Variants in DENND4C observed in about 807,000 individuals in gnomAD.
DENND4C encodes DENN domain containing 4C.
In DENND4C, 108 loss-of-function variants were observed where a neutral mutation model predicts 203.0. The ratio of observed to expected loss-of-function variants is 0.53; its 90% CI spans 0.46 to 0.62. The LOEUF is 0.62. Ranked by LOEUF, DENND4C falls within the 20% of genes least tolerant of loss-of-function variation. The pLI is 0.00. For synonymous variants in DENND4C, 871 were observed against 792.4 expected (o/e 1.10, Z -1.67); for missense variants, 2,481 against 2,301.2 (o/e 1.08, Z -1.60).
chr9:19,346,869 C>G lies in DENND4C; in HGVS notation c.4100C>G (p.Thr1367Ser). The G allele has an allele frequency of 6.2e-7, 1 of 1,614,202 alleles. No homozygotes were observed. Among genetic ancestry groups the G allele is most frequent in the Non-Finnish European group, 8.5e-7 (1 of 1,180,038 alleles). ...TTCAAGCAGCAAACCCCCTCTCGAA[C>G]TCATAAAGAACGTTCAACTTCTTTG... ...GRFKQQTPSR[T>S]HKERSTSLSA... is the part of the protein sequence containing the mutation. The change falls in exon 23 of 33, where the codon ACT (threonine) becomes AGT (serine). Residue 1367 changes from threonine (T) to serine (S), a missense_variant. Coordinates refer to ENST00000434457, the MANE Select transcript of DENND4C (RefSeq NM_001330640.2).
intron 1 of DENND4C, among the ~76,000 whole-genome samples, chr9:19,240,661 A>G (rs1269001052): frequency 1.0e-5 from 1 of 99,092 alleles, no homozygotes; most frequent in African/African-American, 3.5e-5. Context: ...GTGAGATTTC[A>G]TCTCAAAAAA....
At chr9:19,352,341 C>T in intron 25 of DENND4C, 149 bp from the exon 26 acceptor site, 1 of 987,408 alleles carries the variant, frequency 1.0e-6, no homozygotes, top group Non-Finnish European at 1.5e-6. Context: ...AGACATTGAA[C>T]TGGTAGTTTA....
intron 9 of DENND4C, 33 bp downstream of exon 9, chr9:19,300,364 T>C: frequency 6.8e-7 from 1 of 1,467,772 alleles, no homozygotes. Flanking sequence ...AGTACAAAAT[T>C]ACTGACATAA....
intron 9 of DENND4C, among the ~76,000 whole-genome samples, chr9:19,304,319 G>C (rs12684097): frequency 0.23 from 35,398 of 150,758 alleles, 4,322 homozygotes; most frequent in East Asian, 0.42. Flanking sequence ...CGAGTAGCTG[G>C]GATTACAGAC....
At chr9:19,356,005 A>G (rs1588979235) in intron 26 of DENND4C, among the ~76,000 whole-genome samples, 1 of 151,980 alleles carries the variant, frequency 6.6e-6, no homozygotes, top group South Asian at 2.1e-4. Flanking sequence ...TATATTTTTC[A>G]AATTGGGTAT....
At chr9:19,260,605 C>T (rs1296480271) in intron 1 of DENND4C, among the ~76,000 whole-genome samples, 2 of 152,064 alleles carry the variant, frequency 1.3e-5, no homozygotes, top group Non-Finnish European at 2.9e-5. Context: ...ATTATGTTGG[C>T]CAGGCTGGTC....
chr9:19,290,247 C>G (rs1165055206), intron 4 of DENND4C, among the ~76,000 whole-genome samples: 2 of 152,142 alleles, frequency 1.3e-5, no homozygotes, highest in Non-Finnish European at 2.9e-5. Context: ...TGTTGCATGC[C>G]TTTTACACTG....
At chr9:19,254,063 T>C (rs922254783) in intron 1 of DENND4C, among the ~76,000 whole-genome samples, 1 of 152,242 alleles carries the variant, frequency 6.6e-6, no homozygotes, top group Non-Finnish European at 1.5e-5. Context: ...GTTTTATTTT[T>C]TCTTCAAAAG....
intron 1 of DENND4C, among the ~76,000 whole-genome samples, chr9:19,253,003 G>T (rs1399749549): frequency 1.3e-5 from 2 of 152,194 alleles, no homozygotes; most frequent in Non-Finnish European, 2.9e-5. Context: ...CTCCCAAAGT[G>T]CTGGGATTAC....
At chr9:19,283,115 T>C (rs760993084) in intron 2 of DENND4C, among the ~76,000 whole-genome samples, 5 of 152,162 alleles carry the variant, frequency 3.3e-5, no homozygotes, top group Admixed American at 1.3e-4. Flanking sequence ...CAATTCTGCA[T>C]TGGCCCCTTA....
intron 30 of DENND4C, among the ~76,000 whole-genome samples, chr9:19,367,165 G>A (rs1308277711): frequency 6.6e-6 from 1 of 152,132 alleles, no homozygotes; most frequent in Non-Finnish European, 1.5e-5. Flanking sequence ...TACTTACTAG[G>A]ATGGCTATAA....
chr9:19,359,866 C>T (rs1826107187), intron 28 of DENND4C, among the ~76,000 whole-genome samples: 1 of 151,844 alleles, frequency 6.6e-6, no homozygotes, highest in Non-Finnish European at 1.5e-5. Context: ...AAAGATTGCC[C>T]CATCAGTTTA....
Position 19,356,963 on chromosome 9 carries a change from C to G in DENND4C, c.4782-9C>G. On this transcript the variant is annotated splice_polypyrimidine_tract_variant and intron_variant, in intron 26 of 32. Coordinates refer to ENST00000434457, the MANE Select transcript of DENND4C (RefSeq NM_001330640.2). ...TAAAGGCTCTTTTTCCCCCCTTTTC[C>G]TTATGTAGCTTTTTCCTGAAACCAA... 1 of 1,611,594 alleles carries G rather than the reference C, an allele frequency of 6.2e-7. No homozygotes were observed. The highest frequency in any genetic ancestry group is 1.7e-5 in the Admixed American group (1 of 59,696).
Position 19,358,198 on chromosome 9 carries a change from C to T in DENND4C, c.5160+38C>T, listed in dbSNP as rs1344806505. Reference sequence around the variant, plus strand: ...AACAACATTGTAATTATACTGCATACACACCTAAGTATATAGTAGAACATT... The same window carrying T: ...AACAACATTGTAATTATACTGCATATACACCTAAGTATATAGTAGAACATT... On this transcript the variant is annotated intron_variant, in intron 28 of 32. Transcript: ENST00000434457. The surrounding 1 kb of genome is among the most constrained non-coding windows in gnomAD (Gnocchi z 4.8). The T allele has an allele frequency of 2.0e-6, 3 of 1,523,154 alleles. No individual in the cohort carries two copies. The highest frequency in any genetic ancestry group is 2.7e-6 in the Non-Finnish European group (3 of 1,102,684). 94.4% of individuals were successfully genotyped at this position (1,523,154 alleles called of 1,614,324 possible).
intron 23 of DENND4C, among the ~76,000 whole-genome samples, chr9:19,349,670 T>A (rs568178432): frequency 6.6e-6 from 1 of 152,352 alleles, no homozygotes; most frequent in East Asian, 1.9e-4. Context: ...TAGAGGTATA[T>A]GTAAAAATAG....
At chr9:19,339,075 A>G (rs141518121) in intron 20 of DENND4C, among the ~76,000 whole-genome samples, 439 of 152,272 alleles carry the variant, frequency 2.9e-3, no homozygotes, top group African/African-American at 0.01. Flanking sequence ...TTTTATCTAG[A>G]TTCCCTTGTT....
chr9:19,320,473 A>G (rs113654688), intron 12 of DENND4C, among the ~76,000 whole-genome samples: 4,119 of 152,366 alleles, frequency 0.027, 182 homozygotes, highest in African/African-American at 0.091. Flanking sequence ...TGCTGGGATT[A>G]CAGGCGTGAG....
chr9:19,296,475 T>C (rs182467984), intron 6 of DENND4C, among the ~76,000 whole-genome samples: 150 of 151,940 alleles, frequency 9.9e-4, no homozygotes, highest in Middle Eastern at 3.4e-3. Flanking sequence ...TGCAGTTCTC[T>C]GTGTCAGCCT....
intron 25 of DENND4C, 24 bp downstream of exon 25, chr9:19,352,206 T>G: frequency 6.3e-7 from 1 of 1,585,074 alleles, no homozygotes; most frequent in Non-Finnish European, 8.7e-7. Flanking sequence ...ATTCAGTTCA[T>G]GATAAAGTAG....
Sources: allele counts gnomAD v4.1 joint callset (sites outside exome capture counted in the v4.1 genomes callset), GRCh38; gene constraint gnomAD v4.1.1; non-coding constraint Gnocchi (gnomAD v3.1); transcripts MANE v1.5; gene names NCBI Gene and HGNC (gene_info 2026-07-23, HGNC 2026-07-21).